The following HIVEP3 variants were observed in gnomAD, a reference collection of about 807,000 sequenced individuals.
HIVEP3 encodes transcription factor HIVEP3.
In HIVEP3, 49 loss-of-function variants were observed where a neutral mutation model predicts 152.8. The ratio of observed to expected loss-of-function variants is 0.32; its 90% CI spans 0.26 to 0.41. The LOEUF is 0.41. Among genes scored for constraint, HIVEP3 ranks in the 10% least tolerant of loss-of-function variants. HIVEP3 has a pLI of 1.00. For missense variants in HIVEP3, 2,790 were observed against 3,103.3 expected, an observed-to-expected ratio of 0.90 and a Z score of 2.40; for synonymous variants, 1,269 against 1,289.0, an observed-to-expected ratio of 0.98 and a Z score of 0.33.
chr1:41,942,088 G>A (rs1480010429), intron 1 of HIVEP3, among the ~76,000 whole-genome samples: 1 of 152,174 alleles, frequency 6.6e-6, no homozygotes, highest in Non-Finnish European at 1.5e-5. Context: ...TCCAACTGTG[G>A]CTGTATTAGA....
intron 1 of HIVEP3, among the ~76,000 whole-genome samples, chr1:42,003,476 C>G (rs1645440212): frequency 6.6e-6 from 1 of 152,182 alleles, no homozygotes; most frequent in South Asian, 2.1e-4. Context: ...GCACCCTGTC[C>G]TTTACTCAGC....
At chr1:41,899,298 C>T (rs1644581986) in intron 1 of HIVEP3, among the ~76,000 whole-genome samples, 1 of 152,084 alleles carries the variant, frequency 6.6e-6, no homozygotes, top group South Asian at 2.1e-4. Context: ...TTAATGGACT[C>T]CCAGAAGAGT....
intron 2 of HIVEP3, among the ~76,000 whole-genome samples, chr1:41,668,862 A>G (rs1269599452): frequency 6.6e-6 from 1 of 152,108 alleles, no homozygotes; most frequent in Non-Finnish European, 1.5e-5. Flanking sequence ...TGGTGCCCCT[A>G]CTAGGTTAGG....
In HIVEP3 at chr1:41,527,787, C is replaced by T. The variant is rs186535733; in HGVS notation, c.5208-2877G>A. On this transcript the variant is annotated intron_variant, in intron 5 of 8. Coordinates refer to ENST00000372583, the MANE Select transcript of HIVEP3 (RefSeq NM_024503.5). The stretch of plus-strand genomic sequence containing the variant: ...CACTCCACACTCCTGCACTCACACT[C>T]GTTCTCACACTCTACACCCTACCCT... 6.9e-4 allele frequency among the ~76,000 whole-genome samples: 102 copies of T among 147,450 alleles called. 1 individual carries two copies. The highest frequency in any genetic ancestry group is 3.0e-3 in the Admixed American group (45 of 14,872).
intron 3 of HIVEP3, among the ~76,000 whole-genome samples, chr1:41,609,276 A>T (rs1427933804): frequency 6.6e-6 from 1 of 152,206 alleles, no homozygotes; most frequent in Non-Finnish European, 1.5e-5. Context: ...CTTAGGGGGA[A>T]CACTTCTGAT....
chr1:41,611,347 G>A (rs962750038), intron 3 of HIVEP3, among the ~76,000 whole-genome samples: 4 of 152,144 alleles, frequency 2.6e-5, no homozygotes, highest in African/African-American at 4.8e-5. Context: ...ATTCCATCTC[G>A]TAACAAAGAC....
chr1:41,928,471 C>T (rs1644979035), intron 1 of HIVEP3, among the ~76,000 whole-genome samples: 1 of 152,188 alleles, frequency 6.6e-6, no homozygotes, highest in African/African-American at 2.4e-5. Context: ...CTTACATAAC[C>T]ATAGTACAAT....
chr1:41,756,529 T>C (rs1468958755), intron 1 of HIVEP3, among the ~76,000 whole-genome samples: 1 of 152,214 alleles, frequency 6.6e-6, no homozygotes, highest in African/African-American at 2.4e-5. Context: ...CCTAGATCCC[T>C]GGATAAACAG....
At chr1:41,727,474 G>A (rs1380523461) in intron 1 of HIVEP3, among the ~76,000 whole-genome samples, 3 of 152,208 alleles carry the variant, frequency 2.0e-5, no homozygotes, top group African/African-American at 7.2e-5. Flanking sequence ...GGGGTGGGCT[G>A]GGGGGACACT....
At chr1:41,692,412 T>A (rs1646211590) in intron 2 of HIVEP3, among the ~76,000 whole-genome samples, 1 of 152,232 alleles carries the variant, frequency 6.6e-6, no homozygotes, top group Non-Finnish European at 1.5e-5. Context: ...AGGTAAGCTT[T>A]GTTCAGAGAG....
At chr1:41,946,809 G>A (rs1419282239) in intron 1 of HIVEP3, among the ~76,000 whole-genome samples, 1 of 152,044 alleles carries the variant, frequency 6.6e-6, no homozygotes, top group Non-Finnish European at 1.5e-5. Context: ...GGCCCTACAA[G>A]GACTCAAAAG....
intron 3 of HIVEP3, among the ~76,000 whole-genome samples, chr1:41,622,294 G>C (rs936002204): frequency 2.0e-5 from 3 of 152,172 alleles, no homozygotes; most frequent in African/African-American, 7.2e-5. Context: ...TAATGCCATG[G>C]GGAAGGGGCA....
intron 2 of HIVEP3, among the ~76,000 whole-genome samples, chr1:41,652,610 C>T (rs976038972): frequency 6.6e-6 from 1 of 152,108 alleles, no homozygotes; most frequent in Admixed American, 6.5e-5. Context: ...AAAGCTGGGA[C>T]AAGGAGTCAG....
At chr1:41,749,404 T>TTGTA (rs1553255921) in intron 1 of HIVEP3, among the ~76,000 whole-genome samples, 4 of 140,678 alleles carry the variant, frequency 2.8e-5, no homozygotes, top group African/African-American at 1.0e-4. Context: ...TTAGAAAAAA[T>TTGTA]TGTGTGTGTG....
chr1:41,736,386 G>C (rs1218217904), intron 1 of HIVEP3, among the ~76,000 whole-genome samples: 4 of 152,222 alleles, frequency 2.6e-5, no homozygotes, highest in Non-Finnish European at 5.9e-5. Context: ...CCGTGGAAGG[G>C]GTTGAGGGGC....
intron 3 of HIVEP3, among the ~76,000 whole-genome samples, chr1:41,625,162 C>CAAAAAAAAAAAAAAAAAAAAAAAA (rs59268661): frequency 1.4e-5 from 1 of 71,230 alleles, no homozygotes; most frequent in Non-Finnish European, 2.5e-5. Flanking sequence ...GATTCCAACT[C>CAAAAAAAAAAAAAAAAAAAAAAAA]AAAAAAAAAA....
intron 1 of HIVEP3, among the ~76,000 whole-genome samples, chr1:41,977,175 G>A (rs925006938): frequency 1.2e-4 from 18 of 152,116 alleles, no homozygotes; most frequent in African/African-American, 4.3e-4. Context: ...GGACTAAGGT[G>A]GAGAGAGGGA....
intron 1 of HIVEP3, among the ~76,000 whole-genome samples, chr1:41,780,067 T>C (rs534797827): frequency 6.6e-6 from 1 of 152,150 alleles, no homozygotes; most frequent in African/African-American, 2.4e-5. Flanking sequence ...GCTTCACTGA[T>C]GGGAAGAACC....
intron 1 of HIVEP3, among the ~76,000 whole-genome samples, chr1:42,004,816 G>T (rs995535591): frequency 3.3e-5 from 5 of 152,132 alleles, no homozygotes; most frequent in Non-Finnish European, 7.4e-5. Context: ...AGAAACTCTG[G>T]GGGTGAAGCC....
Sources: gnomAD v4.1 joint callset for allele counts (sites outside exome capture counted in the v4.1 genomes callset) on GRCh38, gnomAD v4.1.1 for gene constraint, MANE v1.5 for transcripts, NCBI Gene and HGNC (gene_info 2026-07-23, HGNC 2026-07-21) for gene names.